Variants in ZNF7 observed in about 807,000 individuals in gnomAD.
ZNF7 encodes zinc finger protein 7, also known as C2-H2 type zinc finger protein.
Under a neutral mutation model 12.0 loss-of-function variants are expected in ZNF7, and 10 were observed. The observed-to-expected ratio is 0.83, with a 90% CI of 0.51 to 1.42. The LOEUF (loss-of-function observed/expected upper bound fraction) is 1.42. Among genes scored for constraint, ZNF7 ranks in the 40% most tolerant of loss-of-function variants. ZNF7 has a pLI of 0.00. For missense variants in ZNF7, 854 were observed against 837.2 expected, an observed-to-expected ratio of 1.02 and a Z score of -0.25; for synonymous variants, 334 against 295.0, an observed-to-expected ratio of 1.13 and a Z score of -1.35.
intron 1 of ZNF7, among the ~76,000 whole-genome samples, chr8:144,828,257 G>A (rs1828022374): frequency 6.6e-6 from 1 of 152,166 alleles, no homozygotes. Flanking sequence ...GAGGGTCTGG[G>A]GTCATTGGCT....
chr8:144,838,383 C>T (rs1829337249), intron 4 of ZNF7: 1 of 486,290 alleles, frequency 2.1e-6, no homozygotes, highest in African/African-American at 2.0e-5. Flanking sequence ...CTAACCAGGG[C>T]ACCCACTGCC....
intron 3 of ZNF7, chr8:144,833,845 A>G (rs962631680): frequency 2.0e-5 from 3 of 151,634 alleles, no homozygotes; most frequent in Admixed American, 1.3e-4. Context: ...CAATGGCGCG[A>G]TCTCAGTTCA....
intron 3 of ZNF7, chr8:144,834,557 A>C (rs1325247835): frequency 6.6e-6 from 1 of 151,918 alleles, no homozygotes; most frequent in Non-Finnish European, 1.5e-5. Context: ...CACGTGATTT[A>C]TTTTCTTTAT....
At chr8:144,827,660 C>G (rs1159125314) in intron 1 of ZNF7, 51 bp downstream of exon 1, 2 of 985,258 alleles carry the variant, frequency 2.0e-6, no homozygotes, top group Non-Finnish European at 2.4e-6. Context: ...TCCGAGTGAT[C>G]CCTGGTCGCT....
At chr8:144,845,825 C>G (rs977494389), downstream of ZNF7, among the ~76,000 whole-genome samples, 1 of 152,242 alleles carries the variant, frequency 6.6e-6, no homozygotes, top group African/African-American at 2.4e-5. Flanking sequence ...ATGCCCTACT[C>G]ACACCGGAAC....
chr8:144,833,019 G>A (rs1346529705), intron 3 of ZNF7, among the ~76,000 whole-genome samples: 2 of 152,074 alleles, frequency 1.3e-5, no homozygotes, highest in Non-Finnish European at 2.9e-5. Flanking sequence ...CCAACATGGT[G>A]AAACCTCATC....
At chr8:144,844,709 CAAAAAAAAAAAAAA>C (rs71320849), downstream of ZNF7, among the ~76,000 whole-genome samples, 2 of 88,618 alleles carry the variant, frequency 2.3e-5, no homozygotes, top group African/African-American at 8.4e-5. Context: ...GACTCTGTAT[CAAAAAAAAAAAAAA>C]AAAAAAAAAA....
chr8:144,843,160 A>C lies in ZNF7; in HGVS notation c.2053A>C (p.Met685Leu). 6.3e-7 allele frequency: 1 copy of C among 1,587,054 alleles called. No homozygotes were observed. The highest frequency in any genetic ancestry group is 1.4e-5 in the African/African-American group (1 of 73,652). Residue 685 changes from methionine to leucine, a missense_variant, in exon 5 of 5, where the codon ATG becomes CTG. By Grantham distance (15) the Met-to-Leu change is conservative. Transcript: ENST00000532777. Reference sequence around the variant, plus strand: ...GCTTACCCAGCATCAAAAAATTCACATGGGATAGACCACTTACATATAAAT... The same window carrying C: ...GCTTACCCAGCATCAAAAAATTCACCTGGGATAGACCACTTACATATAAAT... ...SRLTQHQKIHMG is the reference protein window; with the variant it reads ...SRLTQHQKIHLG
chr8:144,843,632 T>C lies in ZNF7; in HGVS notation c.*464T>C, dbSNP rs1212149638. On this transcript the variant is annotated 3_prime_UTR_variant, in exon 5 of 5. Transcript: ENST00000532777. ...AAAATCCAACTTCATACAAAATGTA[T>C]GTTTATTTCCTGAAATGTTTGACCT... 1 of 152,686 alleles carries C rather than the reference T, an allele frequency of 6.5e-6. No individual in the cohort carries two copies. Among genetic ancestry groups the C allele is most frequent in the African/African-American group, 2.4e-5 (1 of 41,266 alleles). 9.5% of individuals were successfully genotyped at this position (152,686 alleles called of 1,614,324 possible).
intron 3 of ZNF7, among the ~76,000 whole-genome samples, chr8:144,832,886 C>T (rs1828601721): frequency 6.6e-6 from 1 of 151,938 alleles, no homozygotes; most frequent in Non-Finnish European, 1.5e-5. Flanking sequence ...GCTGTTTTCC[C>T]CAACATCATC....
At chr8:144,834,491 T>G (rs1004397674) in intron 3 of ZNF7, 5 of 152,212 alleles carry the variant, frequency 3.3e-5, no homozygotes, top group Admixed American at 3.3e-4. Context: ...AAGGAGTTTT[T>G]TTTGTTTTTA....
intron 4 of ZNF7, among the ~76,000 whole-genome samples, chr8:144,840,045 G>T (rs777321771): frequency 6.6e-6 from 1 of 152,178 alleles, no homozygotes; most frequent in Non-Finnish European, 1.5e-5. Context: ...AGTGATTCTT[G>T]TGCCTCAGCC....
rs892740841 is a variant in ZNF7, at chr8:144,829,530, A to G, written c.56A>G (p.Gln19Arg). The G allele has an allele frequency of 6.2e-7, 1 of 1,614,144 alleles. No individual in the cohort carries two copies. The highest frequency in any genetic ancestry group is 1.1e-5 in the South Asian group (1 of 91,080). Residue 19 changes from glutamine (Q) to arginine (R), a missense_variant, in exon 3 of 5, where the codon CAG becomes CGG. By Grantham distance (43) the Gln-to-Arg change is conservative. Transcript: ENST00000532777. Reference sequence around the variant, plus strand: ...GTGCACTTCTCTCGGGAGGAGTGGCAGTGTCTGGACCCTGGCCAGAGGGCC... The same window carrying G: ...GTGCACTTCTCTCGGGAGGAGTGGCGGTGTCTGGACCCTGGCCAGAGGGCC... Reference protein sequence around the residue: ...VAVHFSREEWQCLDPGQRALY... With the variant: ...VAVHFSREEWRCLDPGQRALY...
At chr8:144,838,123 A>G in intron 4 of ZNF7, 2 of 702,990 alleles carry the variant, frequency 2.8e-6, no homozygotes, top group South Asian at 1.5e-5. Flanking sequence ...GTTTTCTGGC[A>G]GTCCTTGGGT....
chr8:144,842,093 C>T lies in ZNF7; in HGVS notation c.986C>T (p.Thr329Ile), dbSNP rs762906749. ...SSLIHHQRIHTGERPYGCREC... is the reference protein window; with the variant it reads ...SSLIHHQRIHIGERPYGCREC... The stretch of plus-strand genomic sequence containing the variant: ...CTCATCCACCATCAGAGAATCCACA[C>T]AGGAGAGAGGCCCTATGGTTGTCGT... Residue 329 changes from threonine (T) to isoleucine (I), a missense_variant, in exon 5 of 5, where the codon ACA (threonine) becomes ATA (isoleucine). Thr to Ile is a moderately conservative substitution (Grantham distance 89, BLOSUM62 -1). Transcript: ENST00000532777. The T allele has an allele frequency of 1.2e-5, 19 of 1,614,136 alleles. No homozygotes were observed. The highest frequency in any genetic ancestry group is 1.7e-5 in the Admixed American group (1 of 60,030).
intron 3 of ZNF7, chr8:144,837,110 G>A (rs1829096738): frequency 1.5e-5 from 4 of 274,806 alleles, no homozygotes; most frequent in South Asian, 2.8e-4. Flanking sequence ...CAGGGGTAGA[G>A]GCGGACTGTC....
chr8:144,844,387 G>A (rs375480817), downstream of ZNF7, among the ~76,000 whole-genome samples: 29 of 152,228 alleles, frequency 1.9e-4, no homozygotes, highest in Admixed American at 9.2e-4. Flanking sequence ...GGGGGAACGC[G>A]GTGAGGAGGA....
Position 144,837,443 on chromosome 8 carries a change from A to G in ZNF7, c.183A>G (p.Glu61=). The part of the protein sequence containing the change: ...PELISRLEQG[E]EPWVLDLQGA... Reference sequence around the variant, plus strand: ...TGATCTCTCGGCTGGAGCAGGGAGAAGAGCCATGGGTCCTCGACCTGCAGG... The same window carrying G: ...TGATCTCTCGGCTGGAGCAGGGAGAGGAGCCATGGGTCCTCGACCTGCAGG... Residue 61 remains glutamate (E), a synonymous_variant, in exon 4 of 5, where the codon GAA becomes GAG. Transcript: ENST00000532777. 1.2e-6 allele frequency: 2 copies of G among 1,613,292 alleles called. No homozygotes were observed. The highest frequency in any genetic ancestry group is 1.7e-6 in the Non-Finnish European group (2 of 1,179,288).
intron 3 of ZNF7, chr8:144,834,793 T>G (rs1013536195): frequency 6.0e-5 from 9 of 150,176 alleles, no homozygotes; most frequent in Middle Eastern, 6.4e-3. Context: ...CAGGCTGGAG[T>G]GCAGTGGCGT....
Sources: gnomAD v4.1 joint callset for allele counts (sites outside exome capture counted in the v4.1 genomes callset) on GRCh38, gnomAD v4.1.1 for gene constraint, MANE v1.5 for transcripts, NCBI Gene and HGNC (gene_info 2026-07-23, HGNC 2026-07-21) for gene names.